The following ZNF394 variants were observed in gnomAD, a reference collection of about 807,000 sequenced individuals.
ZNF394 encodes the protein zinc finger protein 99.
Under a neutral mutation model 21.8 loss-of-function variants are expected in ZNF394, and 19 were observed. The ratio of observed to expected loss-of-function variants is 0.87; its 90% CI spans 0.61 to 1.28. The LOEUF is 1.28. ZNF394 is among the 50% of genes most tolerant of loss of function. The pLI is 0.00. For synonymous variants in ZNF394, 294 were observed against 273.3 expected (o/e 1.08, Z -0.75); for missense variants, 683 against 708.6 (o/e 0.96, Z 0.41).
rs1438267755 is a variant in ZNF394 at position 99,494,440 on chromosome 7, G to A, written c.775C>T (p.Pro259Ser). The A allele has an allele frequency of 1.2e-6, 2 of 1,613,976 alleles. No individual in the cohort carries two copies. The highest frequency in any genetic ancestry group is 1.7e-6 in the Non-Finnish European group (2 of 1,180,052). ...DPLPLKLENSPEAEGLNSISD... is the reference protein window; with the variant it reads ...DPLPLKLENSSEAEGLNSISD... ...ATGCTGTTGAGTCCTTCTGCTTCAG[G>A]AGAATTTTCAAGTTTCAGGGGCAAG... Residue 259 changes from proline (P) to serine (S), a missense_variant, in exon 3 of 3, where the codon CCT (proline) becomes TCT (serine). Pro to Ser is a moderately conservative substitution (Grantham distance 74, BLOSUM62 -1). This residue lies in a region of ZNF394 where 402 missense variants were observed against 373.8 expected (regional missense o/e 1.08). Coordinates refer to ENST00000337673, the MANE Select transcript of ZNF394 (RefSeq NM_032164.4).
At chr7:99,497,120 G>GTATA (rs1479965665) in intron 2 of ZNF394, among the ~76,000 whole-genome samples, 19 of 91,356 alleles carry the variant, frequency 2.1e-4, no homozygotes, top group African/African-American at 4.6e-4. Context: ...GTGTGTGTGT[G>GTATA]TGTATATATA....
chr7:99,494,361 TC>T lies in ZNF394; in HGVS notation c.853del (p.Glu285AsnfsTer40), dbSNP rs769615612. 6.2e-7 allele frequency: 1 copy of T among 1,614,188 alleles called. No individual in the cohort carries two copies. Among genetic ancestry groups the T allele is most frequent in the Non-Finnish European group, 8.5e-7 (1 of 1,180,036 alleles). The stretch of plus-strand genomic sequence containing the variant: ...GGAACACCTGGCACTGTTCTGCAAT[TC>T]ATTATTTTTAGAGTCTTCCCCTTCT... ...SIEGEDSKNNELQNSARCSNL... is the reference protein window; with the variant it reads ...SIEGEDSKNNXLQNSARCSNL... On this transcript the variant is annotated frameshift_variant, in exon 3 of 3. Coordinates refer to ENST00000337673, the MANE Select transcript of ZNF394 (RefSeq NM_032164.4). LOFTEE classifies it low-confidence loss of function (END_TRUNC).
At position 99,494,641 on chromosome 7, in the gene ZNF394, G is replaced by A. The variant is rs768513500; in HGVS notation, c.584-10C>T. On this transcript the variant is annotated splice_polypyrimidine_tract_variant and intron_variant, in intron 2 of 2. Coordinates refer to ENST00000337673, the MANE Select transcript of ZNF394 (RefSeq NM_032164.4). ...ACTCTGCTTTCCAAACCTGAAACGT[G>A]AAAATACAAATTCCTGCCAGTGCAT... is the stretch of plus-strand genomic sequence containing the variant. 1.3e-6 allele frequency: 2 copies of A among 1,561,052 alleles called. No individual in the cohort carries two copies. The highest frequency in any genetic ancestry group is 2.8e-5 in the African/African-American group (2 of 72,650).
In ZNF394 at chr7:99,487,580, A is replaced by C. The variant is rs1562890209; in HGVS notation, n.84-617T>G. The C allele has an allele frequency of 2.1e-6, 3 of 1,452,178 alleles. No homozygotes were observed. The East Asian group carries it at 6.9e-5, about 34-fold the overall frequency. 90.0% of individuals were successfully genotyped at this position (1,452,178 alleles called of 1,614,324 possible). A position where few individuals can be genotyped will look rare whatever the true frequency, so the allele number is the denominator to read the frequency against. On this transcript the variant is annotated intron_variant and non_coding_transcript_variant, in intron 1 of 1. Transcript: ENST00000462024. ...TAATTGTTTCCATGAAAAGCAATAAATGTAACAAAGGGTTTTTCTATGGGA... is the reference window on the plus strand; with the variant it reads ...TAATTGTTTCCATGAAAAGCAATAACTGTAACAAAGGGTTTTTCTATGGGA...
In ZNF394 at chr7:99,493,412, A is replaced by G. The variant is rs1800204786; in HGVS notation, c.*117T>C. 9.3e-7 allele frequency: 1 copy of G among 1,075,074 alleles called. No homozygotes were observed. The highest frequency in any genetic ancestry group is 1.3e-6 in the Non-Finnish European group (1 of 765,598). The allele number at this position is 1,075,074 out of a possible 1,614,324, so 66.6% of individuals were successfully genotyped here. A position where few individuals can be genotyped will look rare whatever the true frequency, so the allele number is the denominator to read the frequency against. ...GCTGGGCTTACAGGCATGCACCACC[A>G]TGCCCGGCTCATTTTTGTATTTTTA... On this transcript the variant is annotated 3_prime_UTR_variant, in exon 3 of 3. Transcript: ENST00000337673.
At position 99,494,193 on chromosome 7, in the gene ZNF394, T is replaced by C. The variant is rs771554441; in HGVS notation, c.1022A>G (p.His341Arg). 4.3e-6 allele frequency: 7 copies of C among 1,614,260 alleles called. No homozygotes were observed. The highest frequency in any genetic ancestry group is 5.1e-6 in the Non-Finnish European group (6 of 1,180,046). The stretch of plus-strand genomic sequence containing the variant: ...CTGGGTCTCAAAAAGGCTGGAATGA[T>C]GGAAACTGTCTCCACTGTCAGACTT... ...PHKSDSGDSF[H>R]HSSLFETQRQ... is the part of the protein sequence containing the mutation. The change falls in exon 3 of 3, where the codon CAT (histidine) becomes CGT (arginine). Residue 341 changes from histidine (H) to arginine (R), a missense_variant. Coordinates refer to ENST00000337673, the MANE Select transcript of ZNF394 (RefSeq NM_032164.4).
rs1054761574 is a variant in ZNF394, at chr7:99,493,441, G to C, written c.*88C>G. 4.8e-6 allele frequency: 6 copies of C among 1,242,284 alleles called. No individual in the cohort carries two copies. The South Asian group carries it at 8.9e-5, about 18-fold the overall frequency. The allele number at this position is 1,242,284 out of a possible 1,614,324, so 77.0% of individuals were successfully genotyped here. A position where few individuals can be genotyped will look rare whatever the true frequency, so the allele number is the denominator to read the frequency against. On this transcript the variant is annotated 3_prime_UTR_variant, in exon 3 of 3. Coordinates refer to ENST00000337673, the MANE Select transcript of ZNF394 (RefSeq NM_032164.4). ...CCGGCTCATTTTTGTATTTTTAGTA[G>C]AGACAGGATTTTACCATGTTGGCCA...
chr7:99,493,715 G>A lies in ZNF394; in HGVS notation c.1500C>T (p.Ser500=), dbSNP rs753908397. The part of the protein sequence containing the change: ...IHTGEKPYGC[S]VCGKRFNQSA... ...TCTGATTGAAGCGTTTCCCACAGAC[G>A]GAACATCCATAGGGCTTCTCCCCAG... The change falls in exon 3 of 3, where the codon TCC becomes TCT. Residue 500 remains serine (S), a synonymous_variant. Coordinates refer to ENST00000337673, the MANE Select transcript of ZNF394 (RefSeq NM_032164.4). 5.6e-6 allele frequency: 9 copies of A among 1,613,974 alleles called. No homozygotes were observed. Among genetic ancestry groups the A allele is most frequent in the Admixed American group, 3.3e-5 (2 of 59,976 alleles).
intron 1 of ZNF394, 106 bp downstream of exon 1, chr7:99,499,532 A>AATGTTC: frequency 9.4e-7 from 1 of 1,061,344 alleles, no homozygotes; most frequent in Non-Finnish European, 1.4e-6. Context: ...TACACACCCC[A>AATGTTC]ATGTTCACAC....
Position 99,497,130 on chromosome 7 carries a change from ATATATATATATG to A in ZNF394, c.583+1574_583+1585del, listed in dbSNP as rs1384306504. Among the ~76,000 whole-genome samples, 26 of 123,614 alleles carry A rather than the reference ATATATATATATG, an allele frequency of 2.1e-4. 1 individual carries two copies. Among genetic ancestry groups the A allele is most frequent in the South Asian group, 1.5e-3 (6 of 4,016 alleles). 81.1% of individuals were successfully genotyped at this position (123,614 alleles called of 152,430 possible). On this transcript the variant is annotated intron_variant, in intron 2 of 2. Coordinates refer to ENST00000337673, the MANE Select transcript of ZNF394 (RefSeq NM_032164.4). ...TGTGTGTGTGTGTGTGTGTATATAT[ATATATATATATG>A]TATATATATATATAAAATGTTTTTT...
exon 2 of ZNF394, chr7:99,486,764 G>C: frequency 6.2e-7 from 1 of 1,614,208 alleles, no homozygotes; most frequent in South Asian, 1.1e-5. Flanking sequence ...TTCAATCAAA[G>C]ATCTTTGCTT....
At chr7:99,498,283 G>A (rs1800399300) in intron 2 of ZNF394, 1 of 159,398 alleles carries the variant, frequency 6.3e-6, no homozygotes, top group Admixed American at 6.1e-5. Flanking sequence ...GGAGCTACGT[G>A]TCTATGTAGA....
intron 2 of ZNF394, among the ~76,000 whole-genome samples, chr7:99,495,503 T>G (rs925700171): frequency 4.0e-5 from 6 of 151,468 alleles, no homozygotes; most frequent in African/African-American, 1.5e-4. Flanking sequence ...TTTTGTATTT[T>G]TAGTGGGGAC....
At chr7:99,488,019 CTGAGA>C in intron 1 of ZNF394, among the ~76,000 whole-genome samples, 1 of 139,572 alleles carries the variant, frequency 7.2e-6, no homozygotes, top group Non-Finnish European at 1.5e-5. Flanking sequence ...TTGCAGTGAG[CTGAGA>C]TCGTGCCACT....
chr7:99,489,325 G>A (rs1584580695), downstream of ZNF394, among the ~76,000 whole-genome samples: 1 of 151,378 alleles, frequency 6.6e-6, no homozygotes, highest in African/African-American at 2.4e-5. Context: ...GTCAATATTT[G>A]TAATAGGTGC....
At chr7:99,495,785 C>T (rs1800287983) in intron 2 of ZNF394, among the ~76,000 whole-genome samples, 2 of 151,902 alleles carry the variant, frequency 1.3e-5, no homozygotes, top group Admixed American at 6.6e-5. Flanking sequence ...CCACACCCGG[C>T]TAATTTTTGT....
In ZNF394 at chr7:99,493,246, T is replaced by A. The variant is rs998401508; in HGVS notation, c.*283A>T. On this transcript the variant is annotated 3_prime_UTR_variant, in exon 3 of 3. Coordinates refer to ENST00000337673, the MANE Select transcript of ZNF394 (RefSeq NM_032164.4). The stretch of plus-strand genomic sequence containing the variant: ...ACAGGCCAAGTCACATAGAAACATA[T>A]CAAAATGACAGCACTTTATTTCTTT... 30 of 1,132,404 alleles carry A rather than the reference T, an allele frequency of 2.6e-5. No homozygotes were observed. Among genetic ancestry groups the A allele is most frequent in the Admixed American group, 1.8e-4 (4 of 22,014 alleles). 70.1% of individuals were successfully genotyped at this position (1,132,404 alleles called of 1,614,324 possible).
chr7:99,499,033 T>C, intron 1 of ZNF394, among the ~76,000 whole-genome samples, 191 bp from the exon 2 acceptor site: 1 of 152,228 alleles, frequency 6.6e-6, no homozygotes, highest in East Asian at 1.9e-4. Flanking sequence ...AAAATATTTC[T>C]TTAACTTATA....
Position 99,493,615 on chromosome 7 carries a change from A to C in ZNF394, c.1600T>G (p.Phe534Val). The C allele has an allele frequency of 6.2e-7, 1 of 1,614,128 alleles. No individual in the cohort carries two copies. Among genetic ancestry groups the C allele is most frequent in the Non-Finnish European group, 8.5e-7 (1 of 1,180,034 alleles). ...PYKCLECGER[F>V]RQSTHLIRHQ... The stretch of plus-strand genomic sequence containing the variant: ...CGGATAAGGTGTGTACTTTGTCTAA[A>C]TCTTTCCCCACATTCAAGACATTTG... The change falls in exon 3 of 3, where the codon TTT becomes GTT. Residue 534 changes from phenylalanine to valine, a missense_variant. Physicochemically the swap from Phe to Val is conservative, Grantham distance 50. Transcript: ENST00000337673.
Sources: allele counts gnomAD v4.1 joint callset (sites outside exome capture counted in the v4.1 genomes callset), GRCh38; gene constraint gnomAD v4.1.1; regional missense constraint gnomAD v4.1.1; transcripts MANE v1.5; gene names NCBI Gene and HGNC (gene_info 2026-07-23, HGNC 2026-07-21).